Variants in KCNMB2 observed in about 807,000 individuals in gnomAD.
KCNMB2 encodes the protein potassium calcium-activated channel subfamily M regulatory beta subunit 2, also known as calcium-activated potassium channel subunit beta-2.
In KCNMB2, 9 loss-of-function variants were observed where a neutral mutation model predicts 24.5. That is an observed-to-expected ratio of 0.37 (90% CI 0.22 to 0.64). KCNMB2 has a LOEUF of 0.64. Ranked by LOEUF, KCNMB2 falls within the 30% of genes least tolerant of loss-of-function variation. KCNMB2 has a pLI of 0.63. For missense variants in KCNMB2, 226 were observed against 284.3 expected (o/e 0.79, Z 1.47); for synonymous variants, 109 against 104.4 (o/e 1.04, Z -0.27).
chr3:178,640,615 T>C (rs1719690583), intron 1 of KCNMB2, among the ~76,000 whole-genome samples: 1 of 152,150 alleles, frequency 6.6e-6, no homozygotes, highest in African/African-American at 2.4e-5. Flanking sequence ...TTATATATAT[T>C]TGAAAACTCA....
rs535819122 is a variant in KCNMB2 at position 178,766,853 on chromosome 3, T to C, written c.-67-40490T>C. ...ACCCTGAAACCCACAATTCTGTCTCTAGATGTTTGCCCTAAGGAAATGCTT... is the reference window on the plus strand; with the variant it reads ...ACCCTGAAACCCACAATTCTGTCTCCAGATGTTTGCCCTAAGGAAATGCTT... On this transcript the variant is annotated intron_variant, in intron 1 of 4. Coordinates refer to ENST00000452583, the MANE Select transcript of KCNMB2 (RefSeq NM_181361.3). Among the ~76,000 whole-genome samples, 337 of 152,330 alleles carry C rather than the reference T, an allele frequency of 2.2e-3. 2 individuals carry two copies. Among genetic ancestry groups the C allele is most frequent in the African/African-American group, 7.7e-3 (318 of 41,568 alleles).
chr3:178,813,948 C>CATT (rs368094417), intron 2 of KCNMB2, among the ~76,000 whole-genome samples: 1 of 149,590 alleles, frequency 6.7e-6, no homozygotes, highest in African/African-American at 2.5e-5. Context: ...AACTTCACTA[C>CATT]GTTGTTGTTG....
chr3:178,694,058 AG>A (rs1721782156), intron 1 of KCNMB2, among the ~76,000 whole-genome samples: 1 of 152,164 alleles, frequency 6.6e-6, no homozygotes, highest in Admixed American at 6.5e-5. Flanking sequence ...TAATTTATAA[AG>A]GAAAGAAGTT....
At chr3:178,601,908 C>A (rs533769629) in intron 1 of KCNMB2, among the ~76,000 whole-genome samples, 1 of 152,148 alleles carries the variant, frequency 6.6e-6, no homozygotes, top group Non-Finnish European at 1.5e-5. Flanking sequence ...AATTGTCTGA[C>A]CATTTTGAGG....
At chr3:178,789,825 T>C (rs1713251395) in intron 1 of KCNMB2, among the ~76,000 whole-genome samples, 1 of 152,060 alleles carries the variant, frequency 6.6e-6, no homozygotes, top group Non-Finnish European at 1.5e-5. Flanking sequence ...AAAGGCAGCC[T>C]AGGCCACAAG....
At chr3:178,816,759 T>C (rs1272178798) in intron 2 of KCNMB2, among the ~76,000 whole-genome samples, 1 of 152,158 alleles carries the variant, frequency 6.6e-6, no homozygotes, top group Non-Finnish European at 1.5e-5. Flanking sequence ...ATGGTTTTAC[T>C]TTCTTCTGTA....
chr3:178,707,597 T>C (rs1722320135), intron 1 of KCNMB2, among the ~76,000 whole-genome samples: 1 of 152,158 alleles, frequency 6.6e-6, no homozygotes, highest in Non-Finnish European at 1.5e-5. Context: ...TAAAAATTCC[T>C]GATGCCCAGA....
In KCNMB2 at chr3:178,832,586, C is replaced by T. The variant is rs2108473169; in HGVS notation, c.423+4213C>T. Among the ~76,000 whole-genome samples the T allele has an allele frequency of 2.5e-5, 2 of 80,790 alleles. 1 individual carries two copies. The highest frequency in any genetic ancestry group is 6.4e-4 in the South Asian group (2 of 3,126). The allele number at this position is 80,790 out of a possible 152,430, so 53.0% of individuals were successfully genotyped here. ...CACATACGAGGTTTTCTCATTGTATCCCCTACATGTCTTATGCTCCCTTTT... is the reference window on the plus strand; with the variant it reads ...CACATACGAGGTTTTCTCATTGTATTCCCTACATGTCTTATGCTCCCTTTT... On this transcript the variant is annotated intron_variant, in intron 4 of 4. Transcript: ENST00000452583.
chr3:178,738,496 T>A (rs938259109), intron 1 of KCNMB2, among the ~76,000 whole-genome samples: 2 of 152,152 alleles, frequency 1.3e-5, no homozygotes, highest in African/African-American at 2.4e-5. Flanking sequence ...CAGCTTCAGG[T>A]TGTACAACTC....
intron 1 of KCNMB2, among the ~76,000 whole-genome samples, chr3:178,674,690 G>C (rs1254186735): frequency 6.6e-6 from 1 of 152,010 alleles, no homozygotes; most frequent in Non-Finnish European, 1.5e-5. Flanking sequence ...AGGCAAGCCA[G>C]ATCATGGTTT....
chr3:178,693,024 C>T (rs772273065), intron 1 of KCNMB2, among the ~76,000 whole-genome samples: 4 of 152,186 alleles, frequency 2.6e-5, no homozygotes, highest in Admixed American at 6.5e-5. Context: ...GTGAATGGGG[C>T]TACATTCCTG....
rs564403669 is a variant in KCNMB2, at chr3:178,652,788, G to A, written c.-68+116077G>A. Among the ~76,000 whole-genome samples, 17 of 151,364 alleles carry A rather than the reference G, an allele frequency of 1.1e-4. No homozygotes were observed. In the East Asian group the frequency reaches 1.6e-3, roughly 14 times the overall value. On this transcript the variant is annotated intron_variant, in intron 1 of 4. Transcript: ENST00000452583. ...AGTGATTCTCCTGCCACAGCCTCCCGTGTTGCTGGGATTACAAGCATGTGC... is the reference window on the plus strand; with the variant it reads ...AGTGATTCTCCTGCCACAGCCTCCCATGTTGCTGGGATTACAAGCATGTGC...
chr3:178,685,542 G>T (rs62281737), intron 1 of KCNMB2, among the ~76,000 whole-genome samples: 9,144 of 152,278 alleles, frequency 0.06, 275 homozygotes, highest in Non-Finnish European at 0.073. Flanking sequence ...AAATCCATCA[G>T]CCACATCAAC....
At chr3:178,615,307 T>C (rs1425501569) in intron 1 of KCNMB2, among the ~76,000 whole-genome samples, 1 of 152,352 alleles carries the variant, frequency 6.6e-6, no homozygotes, top group African/African-American at 2.4e-5. Context: ...TCTCTGGGGC[T>C]CTACAGTCAG....
chr3:178,555,321 A>T (rs1183783919), intron 1 of KCNMB2, among the ~76,000 whole-genome samples: 1 of 152,222 alleles, frequency 6.6e-6, no homozygotes. Context: ...CACCCAATTT[A>T]GTCTAATGGA....
intron 1 of KCNMB2, among the ~76,000 whole-genome samples, chr3:178,806,683 CATA>C (rs61194423): frequency 0.1 from 15,077 of 147,680 alleles, 884 homozygotes; most frequent in Middle Eastern, 0.27. Context: ...AAAGCCAAGT[CATA>C]ATAATAATAA....
At chr3:178,710,708 T>C (rs1722424724) in intron 1 of KCNMB2, among the ~76,000 whole-genome samples, 1 of 152,152 alleles carries the variant, frequency 6.6e-6, no homozygotes, top group African/African-American at 2.4e-5. Flanking sequence ...TGAAAGCCAT[T>C]TAAAACATTC....
chr3:178,613,346 A>C (rs1718564188), intron 1 of KCNMB2, among the ~76,000 whole-genome samples: 1 of 152,236 alleles, frequency 6.6e-6, no homozygotes. Flanking sequence ...GCCGTGAGCC[A>C]AGATTGTGCC....
intron 1 of KCNMB2, among the ~76,000 whole-genome samples, chr3:178,731,231 A>G (rs1185465957): frequency 6.6e-6 from 1 of 152,212 alleles, no homozygotes; most frequent in African/African-American, 2.4e-5. Flanking sequence ...CCATTTCTAT[A>G]TGACTTGTAC....
Sources: allele counts gnomAD v4.1 joint callset (sites outside exome capture counted in the v4.1 genomes callset), GRCh38; gene constraint gnomAD v4.1.1; transcripts MANE v1.5; gene names NCBI Gene and HGNC (gene_info 2026-07-23, HGNC 2026-07-21).